The following PRKDC variants were observed in gnomAD, a reference collection of about 807,000 sequenced individuals.
PRKDC encodes DNA-dependent protein kinase catalytic subunit.
PRKDC carries 82 observed loss-of-function variants against 486.9 expected under a neutral mutation model. That is an observed-to-expected ratio of 0.17 (90% CI 0.14 to 0.20). PRKDC has a LOEUF of 0.20. PRKDC is among the 10% of genes least tolerant of loss of function. The pLI, the probability that PRKDC is intolerant of heterozygous loss-of-function variation, is 1.00. For missense variants in PRKDC, 4,504 were observed against 5,038.2 expected, an observed-to-expected ratio of 0.89 and a Z score of 3.21; for synonymous variants, 1,895 against 1,837.0, an observed-to-expected ratio of 1.03 and a Z score of -0.81.
Position 47,893,454 on chromosome 8 carries a change from T to G in PRKDC, c.3599-67A>C, listed in dbSNP as rs56390817. 4 of 1,343,422 alleles carry G rather than the reference T, an allele frequency of 3.0e-6. No homozygotes were observed. The East Asian group carries it at 1.1e-4, about 37-fold the overall frequency. The allele number at this position is 1,343,422 out of a possible 1,614,324, so 83.2% of individuals were successfully genotyped here. A position where few individuals can be genotyped will look rare whatever the true frequency, so the allele number is the denominator to read the frequency against. ...ATTTCTTTAATCTAATCTTTGTACC[T>G]AAAATTTCAAAATGTTATGGGACAA... On this transcript the variant is annotated intron_variant, in intron 30 of 85. Transcript: ENST00000314191.
At chr8:47,831,707 T>C in intron 60 of PRKDC, 107 bp downstream of exon 60, 2 of 1,222,548 alleles carry the variant, frequency 1.6e-6, no homozygotes, top group Non-Finnish European at 2.4e-6. Context: ...GCAACCTGGT[T>C]TGCAGGTGAC....
chr8:47,860,766 C>CA, intron 45 of PRKDC, 133 bp downstream of exon 45: 1 of 617,874 alleles, frequency 1.6e-6, no homozygotes, highest in South Asian at 2.7e-5. Context: ...AAGTCAATTT[C>CA]AATGTTTTAG....
intron 1 of PRKDC, among the ~76,000 whole-genome samples, chr8:47,958,091 A>T (rs534272602): frequency 6.6e-6 from 1 of 152,234 alleles, no homozygotes; most frequent in Non-Finnish European, 1.5e-5. Context: ...CAGAGAGCCC[A>T]ATGTAATCAC....
At chr8:47,949,912 G>GT (rs1376223329) in intron 7 of PRKDC, among the ~76,000 whole-genome samples, 1 of 152,218 alleles carries the variant, frequency 6.6e-6, no homozygotes, top group Non-Finnish European at 1.5e-5. Flanking sequence ...AAGTAATTTT[G>GT]TAAGTTTCAA....
At chr8:47,880,215 G>C (rs1275360774) in intron 38 of PRKDC, among the ~76,000 whole-genome samples, 1 of 152,162 alleles carries the variant, frequency 6.6e-6, no homozygotes, top group Non-Finnish European at 1.5e-5. Flanking sequence ...ATAAATAAAT[G>C]GGACATGGTG....
intron 34 of PRKDC, among the ~76,000 whole-genome samples, chr8:47,888,196 T>C (rs1395334909): frequency 2.0e-5 from 3 of 152,190 alleles, no homozygotes; most frequent in African/African-American, 7.2e-5. Context: ...CTTTCTATGC[T>C]AGATTCTTCA....
intron 69 of PRKDC, among the ~76,000 whole-genome samples, chr8:47,804,296 C>CTT (rs767946033): frequency 3.5e-4 from 47 of 135,910 alleles, no homozygotes; most frequent in Non-Finnish European, 5.1e-4. Flanking sequence ...GGACATGCCA[C>CTT]TTTTTTTTTT....
chr8:47,825,504 CAAAAAAAAAAAAAAAA>C (rs397891351), intron 63 of PRKDC, among the ~76,000 whole-genome samples: 4 of 10,250 alleles, frequency 3.9e-4, no homozygotes, highest in Non-Finnish European at 7.9e-4. Flanking sequence ...AAGACTGTCT[CAAAAAAAAAAAAAAAA>C]AAAAAAAAAA....
At chr8:47,869,245 C>T (rs1432058996) in intron 40 of PRKDC, among the ~76,000 whole-genome samples, 1 of 151,546 alleles carries the variant, frequency 6.6e-6, no homozygotes, top group Non-Finnish European at 1.5e-5. Context: ...GTACAGCTTG[C>T]AGTAATAAAA....
chr8:47,924,817 A>G (rs1219135974), intron 21 of PRKDC, among the ~76,000 whole-genome samples: 1 of 152,154 alleles, frequency 6.6e-6, no homozygotes, highest in Non-Finnish European at 1.5e-5. Flanking sequence ...TCACACTGAT[A>G]TACCCACTTC....
Position 47,902,575 on chromosome 8 carries a change from T to G in PRKDC, c.3263A>C (p.Glu1088Ala). ...ASLAFNNIYREFREEESLVEQ... is the reference protein window; with the variant it reads ...ASLAFNNIYRAFREEESLVEQ... The stretch of plus-strand genomic sequence containing the variant: ...TGTTGTGTAGCTTACAAACCTGAAT[T>G]CCCTGTAGATATTATTAAAGGCAAG... Residue 1088 changes from glutamate (E) to alanine (A), a missense_variant, in exon 27 of 86, where the codon GAA becomes GCA. Coordinates refer to ENST00000314191, the MANE Select transcript of PRKDC (RefSeq NM_006904.7). The G allele has an allele frequency of 6.4e-7, 1 of 1,568,762 alleles. No homozygotes were observed. The highest frequency in any genetic ancestry group is 8.6e-7 in the Non-Finnish European group (1 of 1,160,082).
chr8:47,886,101 G>A lies in PRKDC; in HGVS notation c.4619C>T (p.Thr1540Met), dbSNP rs769502872. ...SLLLNPAVLS[T>M]ASLGSSQGSV... Reference sequence around the variant, plus strand: ...GCCCTGTGAGCTGCCCAAGGACGCCGTGGACAGCACCGCTGGGTTCAGGAG... The same window carrying A: ...GCCCTGTGAGCTGCCCAAGGACGCCATGGACAGCACCGCTGGGTTCAGGAG... Residue 1540 changes from threonine to methionine, a missense_variant, in exon 36 of 86, where the codon ACG becomes ATG. Transcript: ENST00000314191. 9.9e-6 allele frequency: 16 copies of A among 1,613,284 alleles called. No homozygotes were observed. Among genetic ancestry groups the A allele is most frequent in the East Asian group, 2.2e-5 (1 of 44,902 alleles).
At chr8:47,793,670 A>G (rs2086924312) in intron 74 of PRKDC, among the ~76,000 whole-genome samples, 1 of 143,440 alleles carries the variant, frequency 7.0e-6, no homozygotes, top group Non-Finnish European at 1.5e-5. Flanking sequence ...AAAATAAATT[A>G]ATTTAAAAAA....
intron 24 of PRKDC, among the ~76,000 whole-genome samples, chr8:47,913,318 T>C (rs993448028): frequency 6.6e-6 from 1 of 152,224 alleles, no homozygotes; most frequent in Non-Finnish European, 1.5e-5. Context: ...TAACCAAGCA[T>C]AGCCCGAATA....
chr8:47,875,187 G>T (rs1396269103), intron 40 of PRKDC, among the ~76,000 whole-genome samples: 1 of 152,130 alleles, frequency 6.6e-6, no homozygotes, highest in Non-Finnish European at 1.5e-5. Context: ...GGTAATTTAC[G>T]ACTTTCTATG....
At chr8:47,798,583 T>G (rs1312946069) in intron 72 of PRKDC, among the ~76,000 whole-genome samples, 186 bp from the exon 73 acceptor site, 2 of 152,164 alleles carry the variant, frequency 1.3e-5, no homozygotes, top group African/African-American at 2.4e-5. Flanking sequence ...GCCAAATCCT[T>G]CCATTAGAGT....
chr8:47,839,269 G>T (rs778698314), intron 55 of PRKDC, 23 bp from the exon 56 acceptor site: 1 of 1,523,274 alleles, frequency 6.6e-7, no homozygotes, highest in South Asian at 1.1e-5. Flanking sequence ...ACAGCAAAAT[G>T]TCACAACATT....
intron 24 of PRKDC, 33 bp from the exon 25 acceptor site, chr8:47,912,595 G>A (rs1198670376): frequency 1.0e-5 from 16 of 1,531,838 alleles, no homozygotes; most frequent in Non-Finnish European, 1.4e-5. Flanking sequence ...CAATGTTTAA[G>A]TTATCACGTT....
rs1589767201 is a variant in PRKDC, at chr8:47,887,638, C to T, written c.4481G>A (p.Gly1494Glu). Residue 1494 changes from glycine to glutamate, a missense_variant, in exon 35 of 86, where the codon GGA (glycine) becomes GAA (glutamate). Gly to Glu is a moderately conservative substitution (Grantham distance 98). Coordinates refer to ENST00000314191, the MANE Select transcript of PRKDC (RefSeq NM_006904.7). ...LSLVYKGIAP[G>E]DERQCLPSLD... Reference sequence around the variant, plus strand: ...AGAAGGCAGACACTGTCTCTCATCTCCAGGGGCAATGCCTTTATAAACCAG... The same window carrying T: ...AGAAGGCAGACACTGTCTCTCATCTTCAGGGGCAATGCCTTTATAAACCAG... 1 of 1,608,242 alleles carries T rather than the reference C, an allele frequency of 6.2e-7. No homozygotes were observed. Among genetic ancestry groups the T allele is most frequent in the African/African-American group, 1.3e-5 (1 of 74,958 alleles).
Sources: gnomAD v4.1 joint callset for allele counts (sites outside exome capture counted in the v4.1 genomes callset) on GRCh38, gnomAD v4.1.1 for gene constraint, MANE v1.5 for transcripts, NCBI Gene and HGNC (gene_info 2026-07-23, HGNC 2026-07-21) for gene names.